The following SEC14L3 variants were observed in gnomAD, a reference collection of about 807,000 sequenced individuals.
SEC14L3 encodes SEC14-like protein 3.
SEC14L3 carries 56 observed loss-of-function variants against 57.4 expected under a neutral mutation model. The observed-to-expected ratio is 0.97, with a 90% CI of 0.79 to 1.22. SEC14L3 has a LOEUF of 1.22. Among genes scored for constraint, SEC14L3 ranks in the 50% most tolerant of loss-of-function variants. The pLI is 0.00. For missense variants in SEC14L3, 485 were observed against 511.7 expected, an observed-to-expected ratio of 0.95 and a Z score of 0.50; for synonymous variants, 173 against 194.4, an observed-to-expected ratio of 0.89 and a Z score of 0.92.
downstream of SEC14L3, among the ~76,000 whole-genome samples, chr22:30,454,711 A>T (rs1935057852): frequency 1.1e-5 from 1 of 90,894 alleles, no homozygotes; most frequent in Non-Finnish European, 1.9e-5. Context: ...ATATATTATT[A>T]TATATAATCT....
At chr22:30,461,853 G>A (rs45500300) in intron 9 of SEC14L3, 159 bp from the exon 10 acceptor site, 29,942 of 614,358 alleles carry the variant, frequency 0.049, 954 homozygotes, top group South Asian at 0.14. Context: ...AACTGGGCCA[G>A]TGCGTCTGCT....
downstream of SEC14L3, among the ~76,000 whole-genome samples, chr22:30,455,646 G>A (rs947267215): frequency 1.3e-5 from 2 of 152,190 alleles, no homozygotes; most frequent in African/African-American, 4.8e-5. Flanking sequence ...GGGCCAGTGT[G>A]GTGGTGGGTT....
Position 30,461,442 on chromosome 22 carries a change from C to G in SEC14L3, c.949G>C (p.Gly317Arg), listed in dbSNP as rs1354696699. The change falls in exon 11 of 12, where the codon GGA becomes CGA. Residue 317 changes from glycine (G) to arginine (R), a missense_variant. Coordinates refer to ENST00000215812, the MANE Select transcript of SEC14L3 (RefSeq NM_174975.5). ...FSSDGADIGFGVFLKTKMGER... is the reference protein window; with the variant it reads ...FSSDGADIGFRVFLKTKMGER... Reference sequence around the variant, plus strand: ...CCCATCTTGGTCTTCAGGAAAACTCCGAAGCCGATGTCCGCACCATCAGAT... The same window carrying G: ...CCCATCTTGGTCTTCAGGAAAACTCGGAAGCCGATGTCCGCACCATCAGAT... The G allele has an allele frequency of 1.1e-5, 17 of 1,613,908 alleles. No individual in the cohort carries two copies. In the East Asian group the frequency reaches 3.8e-4, roughly 36 times the overall value.
At position 30,459,876 on chromosome 22, in the gene SEC14L3, G is replaced by T; in HGVS notation, c.*145C>A. 7.1e-7 allele frequency: 1 copy of T among 1,417,004 alleles called. No homozygotes were observed. Among genetic ancestry groups the T allele is most frequent in the South Asian group, 1.6e-5 (1 of 64,200 alleles). The allele number at this position is 1,417,004 out of a possible 1,614,324, so 87.8% of individuals were successfully genotyped here. A position where few individuals can be genotyped will look rare whatever the true frequency, so the allele number is the denominator to read the frequency against. ...CTTTCTTGATCTGACCACAGTAGAT[G>T]AGTTTTCCCCAGGGCATCTCTTTCT... On this transcript the variant is annotated 3_prime_UTR_variant, in exon 12 of 12. Transcript: ENST00000215812.
At position 30,464,907 on chromosome 22, in the gene SEC14L3, G is replaced by A. The variant is rs369255097; in HGVS notation, c.581-4C>T. On this transcript the variant is annotated splice_region_variant and splice_polypyrimidine_tract_variant and intron_variant, in intron 7 of 11. Coordinates refer to ENST00000215812, the MANE Select transcript of SEC14L3 (RefSeq NM_174975.5). ...CCCACAGGGAACAGTTTGGTAGCTG[G>A]AGAGATAGAAGTAAGGATAATGGGA... 339 of 1,613,660 alleles carry A rather than the reference G, an allele frequency of 2.1e-4. No homozygotes were observed. Among genetic ancestry groups the A allele is most frequent in the Non-Finnish European group, 2.6e-4 (309 of 1,179,674 alleles).
At chr22:30,458,995 C>T (rs1364318664), downstream of SEC14L3, among the ~76,000 whole-genome samples, 3 of 152,104 alleles carry the variant, frequency 2.0e-5, no homozygotes, top group Non-Finnish European at 4.4e-5. Flanking sequence ...GGCGACAGAG[C>T]GAGACCCTGT....
At position 30,461,689 on chromosome 22, in the gene SEC14L3, G is replaced by A; in HGVS notation, c.777C>T (p.Asn259=). ...TGGACTTGGGGATCTCCCCGCCATA[G>A]TTAATCTGCGGACATGGGATGAGAT... is the stretch of plus-strand genomic sequence containing the variant. ...DGNPKCLTKI[N]YGGEIPKSMY... is the part of the protein sequence containing the mutation. Residue 259 remains asparagine, a synonymous_variant, in exon 10 of 12, where the codon AAC becomes AAT. Transcript: ENST00000215812. 9.9e-6 allele frequency: 16 copies of A among 1,612,520 alleles called. No homozygotes were observed. The highest frequency in any genetic ancestry group is 1.2e-5 in the Non-Finnish European group (14 of 1,179,300).
chr22:30,467,219 A>C, intron 5 of SEC14L3, 142 bp from the exon 6 acceptor site: 2 of 1,056,166 alleles, frequency 1.9e-6, no homozygotes, highest in Non-Finnish European at 2.6e-6. Context: ...CAGTGAATGC[A>C]TTTCCCCACT....
chr22:30,471,983 G>A lies in SEC14L3; in HGVS notation c.-25C>T, dbSNP rs374916927. 1.9e-6 allele frequency: 3 copies of A among 1,586,824 alleles called. No homozygotes were observed. Among genetic ancestry groups the A allele is most frequent in the South Asian group, 2.3e-5 (2 of 87,862 alleles). The stretch of plus-strand genomic sequence containing the variant: ...TGGTGCTGGCTGGGGCTTGAGGAGT[G>A]GTGGCCACTATAGGCAAGAGGCCAA... On this transcript the variant is annotated 5_prime_UTR_variant, in exon 1 of 12. Coordinates refer to ENST00000215812, the MANE Select transcript of SEC14L3 (RefSeq NM_174975.5).
chr22:30,457,705 T>C (rs1935144155), downstream of SEC14L3, among the ~76,000 whole-genome samples: 1 of 151,218 alleles, frequency 6.6e-6, no homozygotes, highest in African/African-American at 2.4e-5. Context: ...TTTTTTCCTT[T>C]CTAAATCTGA....
chr22:30,459,958 G>C lies in SEC14L3; in HGVS notation c.*63C>G, dbSNP rs1192109174. On this transcript the variant is annotated 3_prime_UTR_variant, in exon 12 of 12. Transcript: ENST00000215812. ...TAACAATCAATTTCAGGGAGGGAGGGAGTGTAGGATATAAACAGAGAAATC... is the reference window on the plus strand; with the variant it reads ...TAACAATCAATTTCAGGGAGGGAGGCAGTGTAGGATATAAACAGAGAAATC... 1.3e-6 allele frequency: 2 copies of C among 1,578,468 alleles called. No individual in the cohort carries two copies. Among genetic ancestry groups the C allele is most frequent in the Non-Finnish European group, 1.7e-6 (2 of 1,158,022 alleles).
At chr22:30,451,861 G>A (rs1425860143) in intron 12 of SEC14L3, among the ~76,000 whole-genome samples, 1 of 151,740 alleles carries the variant, frequency 6.6e-6, no homozygotes, top group Non-Finnish European at 1.5e-5. Context: ...ATGGTGGGAC[G>A]TGCACCTGTA....
At chr22:30,451,663 C>G (rs1043233188) in intron 12 of SEC14L3, among the ~76,000 whole-genome samples, 3 of 152,000 alleles carry the variant, frequency 2.0e-5, no homozygotes, top group Admixed American at 6.6e-5. Flanking sequence ...TGCCGAAACA[C>G]GGACACTCCC....
In SEC14L3 at chr22:30,466,641, G is replaced by A. The variant is rs578078715; in HGVS notation, c.520-247C>T. Among the ~76,000 whole-genome samples the A allele has an allele frequency of 2.7e-4, 41 of 152,202 alleles. 1 individual carries two copies. In the South Asian group the frequency reaches 8.1e-3, roughly 30 times the overall value. On this transcript the variant is annotated intron_variant, in intron 6 of 11. Transcript: ENST00000215812. ...TGGTAGTATAATAATAATGACTACT[G>A]TTGATTAAATGTTCACTATTTGCCA...
Position 30,468,611 on chromosome 22 carries a change from T to C in SEC14L3, c.320A>G (p.Asp107Gly). The C allele has an allele frequency of 6.2e-7, 1 of 1,613,818 alleles. No homozygotes were observed. Reference protein sequence around the residue: ...PVWYDIIGPLDPKGLLFSVTK... With the variant: ...PVWYDIIGPLGPKGLLFSVTK... ...GACTGAGAAGAGCAACCCCTTGGGA[T>C]CAAGTGGCCCAATGATGTCATACCA... is the stretch of plus-strand genomic sequence containing the variant. The change falls in exon 5 of 12, where the codon GAT becomes GGT. Residue 107 changes from aspartate (D) to glycine (G), a missense_variant. By Grantham distance (94) the Asp-to-Gly change is moderately conservative. Transcript: ENST00000215812.
In SEC14L3 at chr22:30,468,671, C is replaced by A. The variant is rs777958982; in HGVS notation, c.260G>T (p.Gly87Val). ...PEVIQKYMPGGLCGYDRDGCP... is the reference protein window; with the variant it reads ...PEVIQKYMPGVLCGYDRDGCP... Reference sequence around the variant, plus strand: ...GCCATCACGGTCATAGCCACACAGGCCCCCAGGCATGTACTTCTGGATCAC... The same window carrying A: ...GCCATCACGGTCATAGCCACACAGGACCCCAGGCATGTACTTCTGGATCAC... Residue 87 changes from glycine (G) to valine (V), a missense_variant, in exon 5 of 12, where the codon GGC becomes GTC. Physicochemically the swap from Gly to Val is moderately radical, Grantham distance 109 (BLOSUM62 -3). Transcript: ENST00000215812. 6.2e-7 allele frequency: 1 copy of A among 1,613,664 alleles called. No homozygotes were observed.
At chr22:30,449,625 C>T (rs1313165060) in intron 12 of SEC14L3, among the ~76,000 whole-genome samples, 20 of 148,328 alleles carry the variant, frequency 1.3e-4, no homozygotes, top group Admixed American at 2.7e-4. Context: ...AGTGCAGTGG[C>T]GCGATCTCAG....
chr22:30,457,209 G>A (rs1158807972), downstream of SEC14L3, among the ~76,000 whole-genome samples: 1 of 151,924 alleles, frequency 6.6e-6, no homozygotes, highest in African/African-American at 2.4e-5. Flanking sequence ...CAAATTGTGG[G>A]TGCTGCCACC....
intron 8 of SEC14L3, among the ~76,000 whole-genome samples, chr22:30,464,508 G>T (rs755443475): frequency 7.2e-5 from 11 of 152,146 alleles, no homozygotes; most frequent in Non-Finnish European, 1.5e-4. Flanking sequence ...ACGACTCACT[G>T]CAGCTTCATA....
Sources: gnomAD v4.1 joint callset for allele counts (sites outside exome capture counted in the v4.1 genomes callset) on GRCh38, gnomAD v4.1.1 for gene constraint, MANE v1.5 for transcripts, NCBI Gene and HGNC (gene_info 2026-07-23, HGNC 2026-07-21) for gene names.